LRRC4C: variants seen among roughly 807,000 people sequenced by gnomAD.
LRRC4C encodes leucine rich repeat containing 4C.
LRRC4C carries 5 observed loss-of-function variants against 33.6 expected under a neutral mutation model. The ratio of observed to expected loss-of-function variants is 0.15; its 90% CI spans 0.08 to 0.31. The LOEUF is 0.31. Among genes scored for constraint, LRRC4C ranks in the 10% least tolerant of loss-of-function variants. The pLI is 1.00. For synonymous variants in LRRC4C, 329 were observed against 302.0 expected, an observed-to-expected ratio of 1.09 and a Z score of -0.93; for missense variants, 560 against 796.7, an observed-to-expected ratio of 0.70 and a Z score of 3.58.
At chr11:41,295,505 A>G (rs1950114242) in intron 1 of LRRC4C, among the ~76,000 whole-genome samples, 1 of 152,188 alleles carries the variant, frequency 6.6e-6, no homozygotes. Context: ...CAGTTCAGGA[A>G]ACTGCTTAGT....
chr11:40,862,382 G>A (rs931512226), intron 2 of LRRC4C, among the ~76,000 whole-genome samples: 20 of 152,102 alleles, frequency 1.3e-4, no homozygotes, highest in Non-Finnish European at 2.8e-4. Flanking sequence ...AGTCTGAATG[G>A]CATGTGCTAT....
chr11:40,998,432 T>TA (rs969383220), intron 1 of LRRC4C, among the ~76,000 whole-genome samples: 5 of 151,922 alleles, frequency 3.3e-5, no homozygotes, highest in African/African-American at 1.2e-4. Flanking sequence ...TCTCAGACTG[T>TA]AAAAAAAATT....
chr11:40,487,123 A>G (rs1029587029), intron 3 of LRRC4C, among the ~76,000 whole-genome samples: 1 of 152,044 alleles, frequency 6.6e-6, no homozygotes, highest in Non-Finnish European at 1.5e-5. Context: ...AGCTTTAGCT[A>G]CTATCCGTGA....
intron 1 of LRRC4C, among the ~76,000 whole-genome samples, chr11:41,069,731 GGA>G (rs1938538010): frequency 6.6e-6 from 1 of 151,964 alleles, no homozygotes; most frequent in Non-Finnish European, 1.5e-5. Flanking sequence ...GCCTCTTCAA[GGA>G]GAACTACAAA....
At chr11:40,485,831 T>A (rs774144088) in intron 3 of LRRC4C, among the ~76,000 whole-genome samples, 2 of 151,970 alleles carry the variant, frequency 1.3e-5, no homozygotes, top group African/African-American at 4.8e-5. Context: ...TAAAAAAGAA[T>A]GAGATCATGC....
At chr11:40,321,221 A>G (rs970830199) in intron 3 of LRRC4C, among the ~76,000 whole-genome samples, 2 of 152,178 alleles carry the variant, frequency 1.3e-5, no homozygotes, top group South Asian at 4.1e-4. Context: ...AGAGGGAAAA[A>G]GGTATTTTTG....
chr11:41,427,562 A>G (rs1181480145), intron 1 of LRRC4C, among the ~76,000 whole-genome samples: 2 of 152,310 alleles, frequency 1.3e-5, no homozygotes, highest in South Asian at 4.1e-4. Context: ...GCTGAGTGAC[A>G]GGAAAAGCAA....
chr11:40,745,635 A>T (rs761184066), intron 2 of LRRC4C, among the ~76,000 whole-genome samples: 2 of 152,084 alleles, frequency 1.3e-5, no homozygotes, highest in East Asian at 1.9e-4. Flanking sequence ...TTTTTGCTAA[A>T]TTTTTTTCCA....
intron 2 of LRRC4C, among the ~76,000 whole-genome samples, chr11:40,764,180 C>A (rs1565031030): frequency 1.3e-5 from 2 of 152,108 alleles, no homozygotes; most frequent in Non-Finnish European, 2.9e-5. Flanking sequence ...CAGGCCCTAG[C>A]TCCTGAATAA....
intron 1 of LRRC4C, among the ~76,000 whole-genome samples, chr11:41,333,735 A>G (rs895634772): frequency 6.6e-6 from 1 of 152,140 alleles, no homozygotes; most frequent in African/African-American, 2.4e-5. Flanking sequence ...AAATCTGGCT[A>G]TTTTACATGT....
At chr11:40,873,624 GTCT>G (rs1252512369) in intron 2 of LRRC4C, among the ~76,000 whole-genome samples, 7 of 152,100 alleles carry the variant, frequency 4.6e-5, no homozygotes, top group Admixed American at 1.3e-4. Flanking sequence ...AATTGTAAAT[GTCT>G]TCTTAATTTC....
chr11:40,932,070 A>C (rs1957653433), intron 2 of LRRC4C, among the ~76,000 whole-genome samples: 1 of 152,162 alleles, frequency 6.6e-6, no homozygotes, highest in African/African-American at 2.4e-5. Context: ...TACAGTTAAA[A>C]TAATTAGGAT....
intron 1 of LRRC4C, among the ~76,000 whole-genome samples, chr11:41,071,319 T>C (rs1351880501): frequency 6.6e-6 from 1 of 151,848 alleles, no homozygotes; most frequent in Non-Finnish European, 1.5e-5. Flanking sequence ...AAAATCTAGA[T>C]GACAGGTTGA....
intron 3 of LRRC4C, among the ~76,000 whole-genome samples, chr11:40,346,346 A>T (rs554052863): frequency 5.9e-4 from 90 of 152,358 alleles, no homozygotes; most frequent in African/African-American, 2.1e-3. Context: ...TGATACATAT[A>T]CACCATAGAA....
chr11:41,157,772 G>T (rs543321757), intron 1 of LRRC4C, among the ~76,000 whole-genome samples: 1 of 151,840 alleles, frequency 6.6e-6, no homozygotes, highest in Non-Finnish European at 1.5e-5. Flanking sequence ...TAAATTTTGT[G>T]GGTATATAGT....
At chr11:40,977,347 G>A (rs1464900466) in intron 1 of LRRC4C, among the ~76,000 whole-genome samples, 6 of 152,146 alleles carry the variant, frequency 3.9e-5, no homozygotes, top group Admixed American at 1.3e-4. Context: ...GAGTTTGCAT[G>A]TACCACCAAT....
At chr11:40,725,087 A>G (rs73471342) in intron 2 of LRRC4C, among the ~76,000 whole-genome samples, 6,139 of 152,278 alleles carry the variant, frequency 0.04, 422 homozygotes, top group African/African-American at 0.14. Context: ...CTAACCATAA[A>G]GGAAGAGCAT....
At chr11:40,426,174 C>T (rs183669134) in intron 3 of LRRC4C, among the ~76,000 whole-genome samples, 71 of 151,954 alleles carry the variant, frequency 4.7e-4, no homozygotes, top group Middle Eastern at 6.8e-3. Context: ...CCACTATGCC[C>T]GGCTAATTTT....
At chr11:40,417,737 C>T (rs930538807) in intron 3 of LRRC4C, among the ~76,000 whole-genome samples, 1 of 152,070 alleles carries the variant, frequency 6.6e-6, no homozygotes, top group Non-Finnish European at 1.5e-5. Flanking sequence ...TTTAACAAGC[C>T]TTTCTGAGAA....
Sources: gnomAD v4.1 joint callset for allele counts (sites outside exome capture counted in the v4.1 genomes callset) on GRCh38, gnomAD v4.1.1 for gene constraint, MANE v1.5 for transcripts, NCBI Gene and HGNC (gene_info 2026-07-23, HGNC 2026-07-21) for gene names.